The following ASAP2 variants were observed in gnomAD, a reference collection of about 807,000 sequenced individuals.
ASAP2 encodes the protein ArfGAP with SH3 domain, ankyrin repeat and PH domain 2, also known as arf-GAP with SH3 domain, ANK repeat and PH domain-containing protein 2.
A neutral mutation model predicts 131.4 loss-of-function variants in ASAP2; 45 were observed. The ratio of observed to expected loss-of-function variants is 0.34; its 90% CI spans 0.27 to 0.44. The LOEUF (loss-of-function observed/expected upper bound fraction) is 0.44, where lower values mean the gene tolerates loss of function less well. ASAP2 is among the 20% of genes least tolerant of loss of function. ASAP2 has a pLI of 1.00. For synonymous variants in ASAP2, 510 were observed against 503.0 expected (o/e 1.01, Z -0.19); for missense variants, 1,011 against 1,297.0 (o/e 0.78, Z 3.39).
At chr2:9,336,043 GAGTA>G (rs1396133933) in intron 9 of ASAP2, 2 of 152,160 alleles carry the variant, frequency 1.3e-5, no homozygotes, top group African/African-American at 4.8e-5. Context: ...AAGTCTAGGA[GAGTA>G]AGTAGTTCAG....
intron 27 of ASAP2, among the ~76,000 whole-genome samples, chr2:9,402,204 A>G (rs1320353449): frequency 2.0e-5 from 3 of 152,184 alleles, no homozygotes; most frequent in African/African-American, 4.8e-5. Context: ...CAGAACTCCC[A>G]CTAGTGTTTA....
At chr2:9,277,880 C>G (rs1321412955) in intron 1 of ASAP2, among the ~76,000 whole-genome samples, 1 of 152,194 alleles carries the variant, frequency 6.6e-6, no homozygotes. Context: ...CAGCACTAAT[C>G]ATGTCTGTTT....
intron 1 of ASAP2, among the ~76,000 whole-genome samples, chr2:9,222,835 T>A (rs950893713): frequency 6.6e-6 from 1 of 152,186 alleles, no homozygotes; most frequent in Non-Finnish European, 1.5e-5. Flanking sequence ...ACACTCCTGG[T>A]CCCACCTTTT....
At chr2:9,240,976 G>A (rs747174823) in intron 1 of ASAP2, among the ~76,000 whole-genome samples, 3 of 152,234 alleles carry the variant, frequency 2.0e-5, no homozygotes, top group Non-Finnish European at 4.4e-5. Flanking sequence ...GAGGAGTCAC[G>A]TCCCGCGTGG....
chr2:9,376,865 T>C (rs370266251), intron 17 of ASAP2, 43 bp from the exon 18 acceptor site: 1 of 1,544,682 alleles, frequency 6.5e-7, no homozygotes, highest in Non-Finnish European at 9.0e-7. Flanking sequence ...CAGAATTGAA[T>C]GCTCCCATTA....
At position 9,294,647 on chromosome 2, in the gene ASAP2, C is replaced by T. The variant is rs549504213; in HGVS notation, c.200-2653C>T. 4.6e-5 allele frequency among the ~76,000 whole-genome samples: 7 copies of T among 152,324 alleles called. No homozygotes were observed. In the East Asian group the frequency reaches 9.6e-4, roughly 21 times the overall value. ...AAAGACTTACAAGCCACCTAGTAGG[C>T]GTTGACCTTTATACGAAGTCCCTTC... On this transcript the variant is annotated intron_variant, in intron 2 of 27. Coordinates refer to ENST00000281419, the MANE Select transcript of ASAP2 (RefSeq NM_003887.3).
chr2:9,218,804 C>A (rs966079818), intron 1 of ASAP2, among the ~76,000 whole-genome samples: 2 of 152,126 alleles, frequency 1.3e-5, no homozygotes, highest in Non-Finnish European at 2.9e-5. Context: ...TTTTGGCTGT[C>A]GTCTCTGTTT....
At position 9,334,066 on chromosome 2, in the gene ASAP2, G is replaced by A. The variant is rs545741516; in HGVS notation, c.687-672G>A. On this transcript the variant is annotated intron_variant, in intron 7 of 27. Transcript: ENST00000281419. Reference sequence around the variant, plus strand: ...TTTTTTTTTTTTTTTTTTTTTTTTTGGGAGACAGTCTCACTCTGTCGCCAG... The same window carrying A: ...TTTTTTTTTTTTTTTTTTTTTTTTTAGGAGACAGTCTCACTCTGTCGCCAG... 1.0e-4 allele frequency among the ~76,000 whole-genome samples: 9 copies of A among 89,750 alleles called. No individual in the cohort carries two copies. In the South Asian group the frequency reaches 2.9e-3, roughly 29 times the overall value. 58.9% of individuals were successfully genotyped at this position (89,750 alleles called of 152,430 possible).
chr2:9,327,496 T>C (rs1670555536), intron 6 of ASAP2, among the ~76,000 whole-genome samples: 2 of 152,132 alleles, frequency 1.3e-5, no homozygotes, highest in African/African-American at 2.4e-5. Flanking sequence ...AGGAGTGTGT[T>C]TGAGATGGTT....
intron 7 of ASAP2, among the ~76,000 whole-genome samples, chr2:9,329,543 G>A (rs1482335259): frequency 1.3e-5 from 2 of 152,212 alleles, no homozygotes; most frequent in East Asian, 3.8e-4. Flanking sequence ...GCTTCAGGAA[G>A]CTTCTCGGCT....
Position 9,388,285 on chromosome 2 carries a change from C to G in ASAP2, c.2131-9C>G, listed in dbSNP as rs766762727. ...TCTCACACGCCTCTGCCCCAATGTT[C>G]TCCTGCAGCCCAGTCCCAACCGGCG... On this transcript the variant is annotated splice_polypyrimidine_tract_variant and intron_variant, in intron 21 of 27. Transcript: ENST00000281419. 2.5e-6 allele frequency: 4 copies of G among 1,613,148 alleles called. No individual in the cohort carries two copies. Among genetic ancestry groups the G allele is most frequent in the Admixed American group, 3.3e-5 (2 of 59,830 alleles).
intron 1 of ASAP2, among the ~76,000 whole-genome samples, chr2:9,255,772 T>C (rs1294575667): frequency 6.6e-6 from 1 of 152,228 alleles, no homozygotes; most frequent in Non-Finnish European, 1.5e-5. Context: ...CCAACAGTTG[T>C]TAAAAAGTTT....
intron 3 of ASAP2, among the ~76,000 whole-genome samples, chr2:9,300,879 G>A (rs1426730335): frequency 6.6e-6 from 1 of 152,180 alleles, no homozygotes; most frequent in Non-Finnish European, 1.5e-5. Flanking sequence ...TCGGATTGTT[G>A]ATCCTATTTC....
At chr2:9,285,597 T>C (rs555130897) in intron 2 of ASAP2, among the ~76,000 whole-genome samples, 12 of 152,328 alleles carry the variant, frequency 7.9e-5, no homozygotes, top group African/African-American at 2.9e-4. Context: ...TTTTAAACTC[T>C]TACTTGTCTA....
At chr2:9,316,696 G>A (rs77991637) in intron 3 of ASAP2, among the ~76,000 whole-genome samples, 2,433 of 152,222 alleles carry the variant, frequency 0.016, 34 homozygotes, top group Non-Finnish European at 0.025. Context: ...CTGAAGTTTC[G>A]CATCTTGAGT....
chr2:9,365,265 T>G (rs994855925), intron 15 of ASAP2, among the ~76,000 whole-genome samples: 13 of 152,150 alleles, frequency 8.5e-5, no homozygotes, highest in Admixed American at 1.3e-4. Flanking sequence ...CCTCTGTACT[T>G]TAGAGCTGGA....
chr2:9,385,687 G>A (rs912663626), intron 21 of ASAP2, among the ~76,000 whole-genome samples: 4 of 152,314 alleles, frequency 2.6e-5, no homozygotes, highest in Middle Eastern at 3.4e-3. Context: ...GTCATAAAGA[G>A]CCAGATTTCC....
chr2:9,393,627 G>C lies in ASAP2; in HGVS notation c.2664G>C (p.Pro888=). ...CCCCACAGCCGCCCAGCCGCCTCCC[G>C]CAGAAGAAGCCTGCGCCGGGGTAAG... ...PLPPQPPSRL[P]QKKPAPGADK... Residue 888 remains proline, a synonymous_variant, in exon 24 of 28, where the codon CCG becomes CCC. Transcript: ENST00000281419. The C allele has an allele frequency of 6.3e-7, 1 of 1,582,332 alleles. No homozygotes were observed. The highest frequency in any genetic ancestry group is 8.6e-7 in the Non-Finnish European group (1 of 1,167,562).
Position 9,404,183 on chromosome 2 carries a change from T to C in ASAP2, c.*856T>C, listed in dbSNP as rs1015892364. On this transcript the variant is annotated 3_prime_UTR_variant, in exon 28 of 28. Coordinates refer to ENST00000281419, the MANE Select transcript of ASAP2 (RefSeq NM_003887.3). ...TAGAATTCTGTGGCGCAGACCATGC[T>C]GTATTAACACATCACTTGCTGTTTC... 1 of 152,252 alleles carries C rather than the reference T, an allele frequency of 6.6e-6. No individual in the cohort carries two copies. The highest frequency in any genetic ancestry group is 2.4e-5 in the African/African-American group (1 of 41,472). The allele number at this position is 152,252 out of a possible 1,614,324, so 9.4% of individuals were successfully genotyped here. A position where few individuals can be genotyped will look rare whatever the true frequency, so the allele number is the denominator to read the frequency against.
Sources: allele counts gnomAD v4.1 joint callset (sites outside exome capture counted in the v4.1 genomes callset), GRCh38; gene constraint gnomAD v4.1.1; transcripts MANE v1.5; gene names NCBI Gene and HGNC (gene_info 2026-07-23, HGNC 2026-07-21).